CCDC110: variants seen among roughly 807,000 people sequenced by gnomAD.
CCDC110 encodes coiled-coil domain containing 110.
A neutral mutation model predicts 77.1 loss-of-function variants in CCDC110; 70 were observed. That is an observed-to-expected ratio of 0.91 (90% CI 0.75 to 1.11). The LOEUF is 1.11. CCDC110 is among the 50% of genes least tolerant of loss of function. The pLI is 0.00. For missense variants in CCDC110, 868 were observed against 942.9 expected, an observed-to-expected ratio of 0.92 and a Z score of 1.04; for synonymous variants, 295 against 312.5, an observed-to-expected ratio of 0.94 and a Z score of 0.59.
Position 185,468,582 on chromosome 4 carries a change from G to C in CCDC110, c.115+2363C>G, listed in dbSNP as rs183652166. 1.1e-4 allele frequency among the ~76,000 whole-genome samples: 16 copies of C among 152,086 alleles called. No individual in the cohort carries two copies. Among genetic ancestry groups the C allele is most frequent in the Admixed American group, 9.2e-4 (14 of 15,262 alleles). On this transcript the variant is annotated intron_variant, in intron 2 of 6. Transcript: ENST00000307588. The surrounding 1 kb of genome is among the most constrained non-coding windows in gnomAD (Gnocchi z 4.5). ...ACCGTTCCTCAATCACACCAGCCACGCTCCCACCACAGGGTCTTTGCAGTT... is the reference window on the plus strand; with the variant it reads ...ACCGTTCCTCAATCACACCAGCCACCCTCCCACCACAGGGTCTTTGCAGTT...
chr4:185,464,931 A>C (rs1456830080), intron 2 of CCDC110, among the ~76,000 whole-genome samples: 1 of 152,194 alleles, frequency 6.6e-6, no homozygotes, highest in African/African-American at 2.4e-5. Flanking sequence ...TGAAACCTTT[A>C]TTGTTTCAAT....
chr4:185,458,012 C>A (rs1182578748), intron 6 of CCDC110, 114 bp downstream of exon 6: 3 of 760,366 alleles, frequency 3.9e-6, no homozygotes, highest in Admixed American at 3.7e-5. Context: ...ACAAATTTTA[C>A]AAAACAAAAT....
chr4:185,459,351 C>A lies in CCDC110; in HGVS notation c.1236G>T (p.Glu412Asp), dbSNP rs1284098049. ...VKQGSIISEN[E>D]KTSKVNSVTE... The stretch of plus-strand genomic sequence containing the variant: ...TAACGGAATTAACTTTGGAAGTTTT[C>A]TCATTTTCAGATATTATTGATCCTT... The change falls in exon 6 of 7, where the codon GAG becomes GAT. Residue 412 changes from glutamate to aspartate, a missense_variant. Glu to Asp is a conservative substitution (Grantham distance 45, BLOSUM62 2). Coordinates refer to ENST00000307588, the MANE Select transcript of CCDC110 (RefSeq NM_152775.4). 6.2e-7 allele frequency: 1 copy of A among 1,611,362 alleles called. No homozygotes were observed. The highest frequency in any genetic ancestry group is 8.5e-7 in the Non-Finnish European group (1 of 1,179,048).
rs1580181697 is a variant in CCDC110, at chr4:185,458,921, C to T, written c.1666G>A (p.Asp556Asn). 6.2e-7 allele frequency: 1 copy of T among 1,608,792 alleles called. No individual in the cohort carries two copies. The highest frequency in any genetic ancestry group is 1.1e-5 in the South Asian group (1 of 89,788). ...TTTTCATTATTTACAATGGCCATATCACTTTGAGTTTTGTGTTCCTTACTT... is the reference window on the plus strand; with the variant it reads ...TTTTCATTATTTACAATGGCCATATTACTTTGAGTTTTGTGTTCCTTACTT... Reference protein sequence around the residue: ...LKSKEHKTQSDMAIVNNENNR... With the variant: ...LKSKEHKTQSNMAIVNNENNR... The change falls in exon 6 of 7, where the codon GAT becomes AAT. Residue 556 changes from aspartate to asparagine, a missense_variant. Transcript: ENST00000307588.
At chr4:185,455,950 G>A (rs1055150489) in intron 6 of CCDC110, among the ~76,000 whole-genome samples, 8 of 151,918 alleles carry the variant, frequency 5.3e-5, no homozygotes, top group African/African-American at 1.5e-4. Context: ...TTTATAGAAT[G>A]AACAAATCAA....
At chr4:185,470,488 G>A (rs1013233750) in intron 2 of CCDC110, 5 of 341,826 alleles carry the variant, frequency 1.5e-5, no homozygotes, top group African/African-American at 6.4e-5. Flanking sequence ...TCCATCTGTG[G>A]TTGGTTGAAT....
At chr4:185,455,685 T>G (rs2095635005) in intron 6 of CCDC110, among the ~76,000 whole-genome samples, 1 of 152,032 alleles carries the variant, frequency 6.6e-6, no homozygotes, top group Non-Finnish European at 1.5e-5. Flanking sequence ...GGAGTTTGAC[T>G]GAGTCTGGCC....
chr4:185,459,000 A>AT lies in CCDC110; in HGVS notation c.1586dup (p.Asn529LysfsTer21), dbSNP rs780308749. On this transcript the variant is annotated frameshift_variant, in exon 6 of 7. Transcript: ENST00000307588. LOFTEE classifies it high-confidence loss of function. ...GTTGCTTCTCTAAAGAAAGTTGTAT[A>AT]TTTTTTTCCTCTAGAGTTTTATTTT... The AT allele has an allele frequency of 1.9e-6, 3 of 1,599,676 alleles. No homozygotes were observed. The highest frequency in any genetic ancestry group is 2.6e-6 in the Non-Finnish European group (3 of 1,176,148).
chr4:185,449,596 G>A, intron 6 of CCDC110: 5 of 1,534,564 alleles, frequency 3.3e-6, no homozygotes, highest in Non-Finnish European at 4.4e-6. Flanking sequence ...CCAATTTTAG[G>A]GCACTAAATT....
At position 185,445,996 on chromosome 4, in the gene CCDC110, C is replaced by T. The variant is rs559911336; in HGVS notation, c.2462-454G>A. Reference sequence around the variant, plus strand: ...AGCTGGGATTACAGGCATGCAACACCACACCCGGCTAATTTTGTATTTTTA... The same window carrying T: ...AGCTGGGATTACAGGCATGCAACACTACACCCGGCTAATTTTGTATTTTTA... On this transcript the variant is annotated intron_variant, in intron 6 of 6. Transcript: ENST00000307588. 6.6e-5 allele frequency among the ~76,000 whole-genome samples: 10 copies of T among 152,222 alleles called. No individual in the cohort carries two copies. The South Asian group carries it at 1.9e-3, about 28-fold the overall frequency.
Position 185,467,497 on chromosome 4 carries a change from C to T in CCDC110, c.115+3448G>A, listed in dbSNP as rs557969542. ...CAAGTCCCTGCTAAACATACAATAT[C>T]GGGAGGCACATAAACAAAGCGGAAG... On this transcript the variant is annotated intron_variant, in intron 2 of 6. Coordinates refer to ENST00000307588, the MANE Select transcript of CCDC110 (RefSeq NM_152775.4). Among the ~76,000 whole-genome samples, 8 of 152,238 alleles carry T rather than the reference C, an allele frequency of 5.3e-5. No individual in the cohort carries two copies. In the South Asian group the frequency reaches 1.2e-3, roughly 24 times the overall value.
At chr4:185,449,843 T>C (rs1477892669) in intron 6 of CCDC110, 2 of 428,692 alleles carry the variant, frequency 4.7e-6, no homozygotes, top group Non-Finnish European at 8.4e-6. Flanking sequence ...GTTGTTGATT[T>C]ATGTTTTTAG....
At position 185,458,803 on chromosome 4, in the gene CCDC110, AG is replaced by A; in HGVS notation, c.1783del (p.Leu595PhefsTer2). ...KEMLEKKTHQ[L>X]LKEKSSLGNE... Reference sequence around the variant, plus strand: ...TCCAAGTGAGCTTTTTTCTTTTAGAAGCTGGTGTGTTTTTTTCTCTAACATT... The same window carrying A: ...TCCAAGTGAGCTTTTTTCTTTTAGAACTGGTGTGTTTTTTTCTCTAACATT... On this transcript the variant is annotated frameshift_variant, in exon 6 of 7. Transcript: ENST00000307588. LOFTEE classifies it high-confidence loss of function. The A allele has an allele frequency of 6.2e-7, 1 of 1,609,834 alleles. No homozygotes were observed. The highest frequency in any genetic ancestry group is 8.5e-7 in the Non-Finnish European group (1 of 1,179,104).
At chr4:185,466,626 G>A (rs560535590) in intron 2 of CCDC110, among the ~76,000 whole-genome samples, 2 of 151,982 alleles carry the variant, frequency 1.3e-5, no homozygotes, top group African/African-American at 2.4e-5. Flanking sequence ...CTGGAGTGCA[G>A]TGGCATGATC....
rs1178149950 is a variant in CCDC110 at position 185,462,980 on chromosome 4, G to GA, written c.171+13dup. On this transcript the variant is annotated intron_variant, in intron 3 of 6. Coordinates refer to ENST00000307588, the MANE Select transcript of CCDC110 (RefSeq NM_152775.4). ...CCAGAATTTTGGAGATGATAAAATG[G>GA]AATATAGACTCACTTTCAATGCTGA... The GA allele has an allele frequency of 6.2e-7, 1 of 1,604,624 alleles. No individual in the cohort carries two copies. Among genetic ancestry groups the GA allele is most frequent in the Non-Finnish European group, 8.5e-7 (1 of 1,171,474 alleles).
intron 5 of CCDC110, among the ~76,000 whole-genome samples, chr4:185,460,589 A>G (rs1406579463): frequency 6.6e-6 from 1 of 152,200 alleles, no homozygotes; most frequent in Non-Finnish European, 1.5e-5. Context: ...AGGCAAATGA[A>G]TGTTTCCAAT....
intron 2 of CCDC110, among the ~76,000 whole-genome samples, chr4:185,464,922 G>A (rs2095652805): frequency 6.6e-6 from 1 of 152,132 alleles, no homozygotes; most frequent in South Asian, 2.1e-4. Context: ...ATTAAAGATT[G>A]AAACCTTTAT....
chr4:185,447,239 T>G (rs1443017164), intron 6 of CCDC110, among the ~76,000 whole-genome samples: 5 of 151,948 alleles, frequency 3.3e-5, no homozygotes, highest in African/African-American at 1.2e-4. Flanking sequence ...TGGAATGCAG[T>G]GGCACGATCT....
intron 6 of CCDC110, among the ~76,000 whole-genome samples, chr4:185,448,744 C>T (rs1561149838): frequency 6.6e-6 from 1 of 152,158 alleles, no homozygotes. Context: ...GAATTTTCCT[C>T]ACCACACCCA....
Sources: gnomAD v4.1 joint callset for allele counts (sites outside exome capture counted in the v4.1 genomes callset) on GRCh38, gnomAD v4.1.1 for gene constraint, Gnocchi (gnomAD v3.1) non-coding constraint, MANE v1.5 for transcripts, NCBI Gene and HGNC (gene_info 2026-07-23, HGNC 2026-07-21) for gene names.